ADCY2: variants seen among roughly 807,000 people sequenced by gnomAD.
The protein encoded by ADCY2 is adenylate cyclase type 2.
Under a neutral mutation model 125.2 loss-of-function variants are expected in ADCY2, and 31 were observed. The observed-to-expected ratio is 0.25, with a 90% CI of 0.19 to 0.33. The LOEUF (loss-of-function observed/expected upper bound fraction) is 0.33, where lower values mean the gene tolerates loss of function less well. Ranked by LOEUF, ADCY2 falls within the 10% of genes least tolerant of loss-of-function variation. The probability of loss-of-function intolerance (pLI) is 1.00; values close to 1 mark genes in which losing one functional copy is unlikely to be tolerated. For missense variants in ADCY2, 904 were observed against 1,418.2 expected, an observed-to-expected ratio of 0.64 and a Z score of 5.82; for synonymous variants, 512 against 548.4, an observed-to-expected ratio of 0.93 and a Z score of 0.93.
intron 2 of ADCY2, among the ~76,000 whole-genome samples, chr5:7,440,863 T>G (rs1383291008): frequency 2.0e-5 from 3 of 152,070 alleles, no homozygotes; most frequent in Admixed American, 2.0e-4. Context: ...GGCAGTCACA[T>G]GGAGGGTTAT....
chr5:7,614,771 C>G (rs1165086102), intron 3 of ADCY2, among the ~76,000 whole-genome samples: 1 of 152,144 alleles, frequency 6.6e-6, no homozygotes, highest in Non-Finnish European at 1.5e-5. Context: ...CTGTAACAGC[C>G]CCTGTGCCAG....
At chr5:7,781,239 T>G (rs1272901688) in intron 18 of ADCY2, among the ~76,000 whole-genome samples, 1 of 152,188 alleles carries the variant, frequency 6.6e-6, no homozygotes, top group African/African-American at 2.4e-5. Context: ...CCCAACTAGC[T>G]GTGCAGCTCA....
chr5:7,453,527 T>C (rs77622668), intron 2 of ADCY2, among the ~76,000 whole-genome samples: 2,916 of 152,170 alleles, frequency 0.019, 96 homozygotes, highest in African/African-American at 0.067. Context: ...AGAATTCGAC[T>C]TAGGAGGCAG....
intron 2 of ADCY2, among the ~76,000 whole-genome samples, chr5:7,512,232 A>G (rs1012361907): frequency 1.3e-5 from 2 of 148,162 alleles, no homozygotes; most frequent in Non-Finnish European, 1.5e-5. Flanking sequence ...AAAAAAAAAA[A>G]AAAAAAAAGA....
intron 3 of ADCY2, among the ~76,000 whole-genome samples, chr5:7,582,214 T>C (rs948376810): frequency 6.6e-6 from 1 of 152,106 alleles, no homozygotes; most frequent in African/African-American, 2.4e-5. Context: ...GACATAACAG[T>C]CGTGAACATG....
intron 2 of ADCY2, among the ~76,000 whole-genome samples, chr5:7,492,938 G>A (rs1379595548): frequency 6.6e-6 from 1 of 152,098 alleles, no homozygotes; most frequent in Non-Finnish European, 1.5e-5. Flanking sequence ...AAAGGACATA[G>A]TGAGGAGCTG....
chr5:7,636,790 C>A (rs1314757534), intron 4 of ADCY2, among the ~76,000 whole-genome samples: 1 of 152,072 alleles, frequency 6.6e-6, no homozygotes, highest in Non-Finnish European at 1.5e-5. Flanking sequence ...AAGGAGTGAC[C>A]ACTGGTCTTG....
chr5:7,802,565 G>A lies in ADCY2; in HGVS notation c.2775+201G>A, dbSNP rs902602422. 2.6e-5 allele frequency among the ~76,000 whole-genome samples: 4 copies of A among 152,166 alleles called. No individual in the cohort carries two copies. Among genetic ancestry groups the A allele is most frequent in the African/African-American group, 9.7e-5 (4 of 41,442 alleles). On this transcript the variant is annotated intron_variant, in intron 21 of 24. Coordinates refer to ENST00000338316, the MANE Select transcript of ADCY2 (RefSeq NM_020546.3). This position sits in a 1 kb window ranked among gnomAD's most constrained non-coding sequence, Gnocchi z 4.6. ...ACAAATACATTGTATTTTTGAAGCT[G>A]GTATGACTGCTAGGAACAGCTACCA...
At chr5:7,413,588 G>T (rs1434063502) in intron 1 of ADCY2, among the ~76,000 whole-genome samples, 3 of 148,648 alleles carry the variant, frequency 2.0e-5, no homozygotes, top group Non-Finnish European at 4.5e-5. Flanking sequence ...GTGAGCCACC[G>T]CACCCGGCCG....
At chr5:7,705,089 A>G (rs1179857791) in intron 7 of ADCY2, among the ~76,000 whole-genome samples, 1 of 152,140 alleles carries the variant, frequency 6.6e-6, no homozygotes, top group African/African-American at 2.4e-5. Flanking sequence ...GTAAACAGAA[A>G]CGCCACGTGG....
chr5:7,804,459 G>T, intron 21 of ADCY2, 126 bp from the exon 22 acceptor site: 1 of 746,180 alleles, frequency 1.3e-6, no homozygotes, highest in Non-Finnish European at 2.4e-6. Flanking sequence ...GCCCAAGGGT[G>T]CATACGCAGT....
At chr5:7,497,867 G>A (rs2126498039) in intron 2 of ADCY2, among the ~76,000 whole-genome samples, 1 of 152,268 alleles carries the variant, frequency 6.6e-6, no homozygotes, top group Middle Eastern at 3.4e-3. Flanking sequence ...CAGACTGAAG[G>A]ACCAGAATTA....
intron 4 of ADCY2, among the ~76,000 whole-genome samples, chr5:7,647,336 G>A (rs1238006577): frequency 6.6e-6 from 1 of 152,162 alleles, no homozygotes; most frequent in East Asian, 1.9e-4. Flanking sequence ...AGGCATGAGA[G>A]TCACAGAGCA....
intron 3 of ADCY2, chr5:7,611,093 G>A (rs1323501614): frequency 1.3e-5 from 2 of 152,278 alleles, no homozygotes; most frequent in South Asian, 2.1e-4. Flanking sequence ...AGGGCCACCT[G>A]ACCATGGGAA....
chr5:7,572,881 T>C (rs917915608), intron 3 of ADCY2, among the ~76,000 whole-genome samples: 1 of 152,154 alleles, frequency 6.6e-6, no homozygotes, highest in Admixed American at 6.6e-5. Flanking sequence ...AAAGTTTATA[T>C]GTAGAAGTCC....
rs115295747 is a variant in ADCY2, at chr5:7,667,817, G to A, written c.721-22874G>A. On this transcript the variant is annotated intron_variant, in intron 4 of 24. Transcript: ENST00000338316. The stretch of plus-strand genomic sequence containing the variant: ...CCTCTATTAAGAAGACGTTCTAAGC[G>A]TTGATGGTGTAGACATGGGGTCTGC... Among the ~76,000 whole-genome samples the A allele has an allele frequency of 9.8e-3, 1,486 of 152,302 alleles. 14 individuals are homozygous for A. The highest frequency in any genetic ancestry group is 0.013 in the Non-Finnish European group (907 of 68,030).
chr5:7,590,958 T>A (rs1234187349), intron 3 of ADCY2, among the ~76,000 whole-genome samples: 3 of 152,144 alleles, frequency 2.0e-5, no homozygotes, highest in Non-Finnish European at 4.4e-5. Context: ...AGTGGTTGCT[T>A]TTCAAATCCA....
At chr5:7,775,879 T>C (rs78177556) in intron 18 of ADCY2, among the ~76,000 whole-genome samples, 113 of 152,302 alleles carry the variant, frequency 7.4e-4, no homozygotes, top group Non-Finnish European at 1.1e-3. Flanking sequence ...AGATGAGTCT[T>C]AACTGATGCG....
chr5:7,576,349 C>G (rs1042757026), intron 3 of ADCY2, among the ~76,000 whole-genome samples: 2 of 152,302 alleles, frequency 1.3e-5, no homozygotes, highest in Non-Finnish European at 1.5e-5. Flanking sequence ...AGTAGGTGAA[C>G]GGGCAGAGGC....
Sources: gnomAD v4.1 joint callset for allele counts (sites outside exome capture counted in the v4.1 genomes callset) on GRCh38, gnomAD v4.1.1 for gene constraint, Gnocchi (gnomAD v3.1) non-coding constraint, MANE v1.5 for transcripts, NCBI Gene and HGNC (gene_info 2026-07-23, HGNC 2026-07-21) for gene names.